The following IGSF23 variants were observed in gnomAD, a reference collection of about 807,000 sequenced individuals.
The protein encoded by IGSF23 is immunoglobulin superfamily member 23.
In IGSF23, 14 loss-of-function variants were observed where a neutral mutation model predicts 17.8. The observed-to-expected ratio is 0.79, with a 90% CI of 0.52 to 1.23. The LOEUF (loss-of-function observed/expected upper bound fraction) is 1.23, where lower values mean the gene tolerates loss of function less well. Among genes scored for constraint, IGSF23 ranks in the 50% most tolerant of loss-of-function variants. IGSF23 has a pLI of 0.00. For synonymous variants in IGSF23, 85 were observed against 92.5 expected (o/e 0.92, Z 0.46); for missense variants, 214 against 241.7 (o/e 0.89, Z 0.76).
chr19:44,627,362 G>A (rs1218525461), intron 2 of IGSF23, 58 bp from the exon 3 acceptor site: 2 of 1,431,328 alleles, frequency 1.4e-6, no homozygotes, highest in East Asian at 2.6e-5. Flanking sequence ...AGGAGGGAGG[G>A]GTGCACAGGG....
At chr19:44,627,253 T>C (rs11671606) in intron 2 of IGSF23, among the ~76,000 whole-genome samples, 167 bp from the exon 3 acceptor site, 99,950 of 151,760 alleles carry the variant, frequency 0.66, 33,477 homozygotes, top group East Asian at 0.8. Flanking sequence ...GGTGGATGGG[T>C]GCTGGACTAG....
intron 3 of IGSF23, among the ~76,000 whole-genome samples, chr19:44,633,123 C>G (rs1331168455): frequency 6.6e-6 from 1 of 152,214 alleles, no homozygotes; most frequent in Non-Finnish European, 1.5e-5. Context: ...TAGCAGGCTA[C>G]AGTATGTAAA....
chr19:44,621,264 C>T (rs563717279), intron 1 of IGSF23, among the ~76,000 whole-genome samples: 232 of 137,192 alleles, frequency 1.7e-3, no homozygotes, highest in African/African-American at 6.1e-3. Context: ...GCCTGGGGGA[C>T]ACAGCAAGAC....
At chr19:44,635,013 G>A (rs186183771) in intron 3 of IGSF23, among the ~76,000 whole-genome samples, 4 of 152,108 alleles carry the variant, frequency 2.6e-5, no homozygotes, top group Non-Finnish European at 4.4e-5. Flanking sequence ...AGACCGGGGG[G>A]GCTTAAACAA....
chr19:44,627,435 C>T lies in IGSF23; in HGVS notation c.407C>T (p.Pro136Leu). 1.3e-6 allele frequency: 2 copies of T among 1,544,644 alleles called. No homozygotes were observed. Among genetic ancestry groups the T allele is most frequent in the Non-Finnish European group, 1.8e-6 (2 of 1,142,734 alleles). ...TGGTCCCCAGAACCCATCATGCAGC[C>T]CACAGAAGCAGAGCCCATGGAGCCA... ...TISLPKPIMQ[P>L]TEAEPMEPDP... Residue 136 changes from proline to leucine, a missense_variant, in exon 3 of 5, where the codon CCC (proline) becomes CTC (leucine). Coordinates refer to ENST00000402988, the MANE Select transcript of IGSF23 (RefSeq NM_001205280.2).
chr19:44,619,991 C>T (rs1972476412), intron 1 of IGSF23, among the ~76,000 whole-genome samples: 1 of 152,188 alleles, frequency 6.6e-6, no homozygotes, highest in Non-Finnish European at 1.5e-5. Context: ...CCAGTGTCGG[C>T]CAGGCGCAGT....
At chr19:44,623,657 TTC>T in intron 1 of IGSF23, 48 bp from the exon 2 acceptor site, 2 of 1,524,250 alleles carry the variant, frequency 1.3e-6, no homozygotes, top group Non-Finnish European at 1.8e-6. Context: ...TGCCCAGCTT[TTC>T]TGAGTGGACT....
intron 2 of IGSF23, among the ~76,000 whole-genome samples, chr19:44,626,875 T>C (rs759259238): frequency 2.2e-4 from 34 of 151,288 alleles, no homozygotes; most frequent in Non-Finnish European, 4.3e-4. Context: ...TGAGCTAAGA[T>C]TGTGCCACTG....
In IGSF23 at chr19:44,635,388, C is replaced by T; in HGVS notation, c.546-13C>T. The T allele has an allele frequency of 1.3e-6, 2 of 1,540,070 alleles. No homozygotes were observed. Among genetic ancestry groups the T allele is most frequent in the Non-Finnish European group, 1.8e-6 (2 of 1,139,464 alleles). On this transcript the variant is annotated splice_polypyrimidine_tract_variant and intron_variant, in intron 3 of 4. Transcript: ENST00000402988. Reference sequence around the variant, plus strand: ...TCTCTCTCTCTCTGTCTCTCTCTCTCTCTCCACTGCAGGACTGACAGGCAG... The same window carrying T: ...TCTCTCTCTCTCTGTCTCTCTCTCTTTCTCCACTGCAGGACTGACAGGCAG...
chr19:44,619,815 T>A (rs1972471683), intron 1 of IGSF23, among the ~76,000 whole-genome samples: 1 of 152,202 alleles, frequency 6.6e-6, no homozygotes, highest in Non-Finnish European at 1.5e-5. Context: ...TCATTCTAAC[T>A]TAATCACCTC....
chr19:44,614,729 G>C (rs1972331744), intron 1 of IGSF23, among the ~76,000 whole-genome samples: 1 of 152,022 alleles, frequency 6.6e-6, no homozygotes, highest in Non-Finnish European at 1.5e-5. Context: ...ACTGCGCCCA[G>C]CCTGTCAGCC....
rs1972573362 is a variant in IGSF23, at chr19:44,623,805, T to C, written c.224T>C (p.Met75Thr). The C allele has an allele frequency of 6.4e-7, 1 of 1,550,838 alleles. No individual in the cohort carries two copies. ...GTGATCCTGCAGTGGGTGGTGACAA[T>C]GGACCCTGAGCCTGTGCTGAGCTGG... is the stretch of plus-strand genomic sequence containing the variant. ...YSVILQWVVT[M>T]DPEPVLSWTF... Residue 75 changes from methionine (M) to threonine (T), a missense_variant, in exon 2 of 5, where the codon ATG becomes ACG. Physicochemically the swap from Met to Thr is moderately conservative, Grantham distance 81 (BLOSUM62 -1). Coordinates refer to ENST00000402988, the MANE Select transcript of IGSF23 (RefSeq NM_001205280.2).
chr19:44,635,401 G>T lies in IGSF23; in HGVS notation c.546G>T (p.Arg182Ser). ...GMCFIIIQSL[R>S]TDRQRIGICS ...GTCTCTCTCTCTCTCTCCACTGCAG[G>T]ACTGACAGGCAGAGAATAGGAATAT... Residue 182 changes from arginine (R) to serine (S), a missense_variant and splice_region_variant, in exon 4 of 5, where the codon AGG becomes AGT. By Grantham distance (110) the Arg-to-Ser change is moderately radical. Transcript: ENST00000402988. 1 of 1,544,626 alleles carries T rather than the reference G, an allele frequency of 6.5e-7. No individual in the cohort carries two copies.
chr19:44,613,590 G>C lies in IGSF23; in HGVS notation c.-56G>C. 6.7e-7 allele frequency: 1 copy of C among 1,494,612 alleles called. No individual in the cohort carries two copies. The highest frequency in any genetic ancestry group is 1.4e-5 in the African/African-American group (1 of 72,092). The allele number at this position is 1,494,612 out of a possible 1,614,324, so 92.6% of individuals were successfully genotyped here. A position where few individuals can be genotyped will look rare whatever the true frequency, so the allele number is the denominator to read the frequency against. On this transcript the variant is annotated 5_prime_UTR_variant, in exon 1 of 5. Transcript: ENST00000402988. ...TCCTTGCCTTTGATGTGAGTGATAG[G>C]AGCGGGCGATTCTGCTTCTCCCTCC...
At chr19:44,629,178 T>C (rs539415345) in intron 3 of IGSF23, among the ~76,000 whole-genome samples, 176 of 152,276 alleles carry the variant, frequency 1.2e-3, no homozygotes, top group Non-Finnish European at 1.5e-3. Flanking sequence ...ATGGAAGCCA[T>C]GGAGGGTCTA....
intron 1 of IGSF23, among the ~76,000 whole-genome samples, chr19:44,615,117 G>A (rs1041216227): frequency 4.6e-5 from 7 of 151,566 alleles, no homozygotes; most frequent in African/African-American, 2.4e-5. Context: ...GTGAAACCCC[G>A]TCTCTACTAA....
intron 3 of IGSF23, among the ~76,000 whole-genome samples, chr19:44,634,782 C>T (rs1325860734): frequency 1.4e-5 from 2 of 140,764 alleles, no homozygotes; most frequent in Admixed American, 7.4e-5. Context: ...GCCTGGGCAA[C>T]AGAACCAGAC....
Position 44,623,755 on chromosome 19 carries a change from C to T in IGSF23, c.174C>T (p.Val58=), listed in dbSNP as rs563186985. ...CATTCCCAGCTGCTATCCGGGGAGT[C>T]ATCCAGAGTGAGCTCAACTATTCTG... ...LKTFPAAIRG[V]IQSELNYSVI... The change falls in exon 2 of 5, where the codon GTC becomes GTT. Residue 58 remains valine, a synonymous_variant. Coordinates refer to ENST00000402988, the MANE Select transcript of IGSF23 (RefSeq NM_001205280.2). 1 of 1,551,130 alleles carries T rather than the reference C, an allele frequency of 6.4e-7. No individual in the cohort carries two copies. The highest frequency in any genetic ancestry group is 1.4e-5 in the African/African-American group (1 of 73,166).
chr19:44,619,194 T>C (rs1972456432), intron 1 of IGSF23, among the ~76,000 whole-genome samples: 1 of 152,098 alleles, frequency 6.6e-6, no homozygotes, highest in Non-Finnish European at 1.5e-5. Flanking sequence ...TCAGATCTCA[T>C]GAGAACTCAC....
Sources: allele counts gnomAD v4.1 joint callset (sites outside exome capture counted in the v4.1 genomes callset), GRCh38; gene constraint gnomAD v4.1.1; transcripts MANE v1.5; gene names NCBI Gene and HGNC (gene_info 2026-07-23, HGNC 2026-07-21).